ARMC9: variants seen among roughly 807,000 people sequenced by gnomAD.
The protein encoded by ARMC9 is lisH domain-containing protein ARMC9.
Under a neutral mutation model 107.0 loss-of-function variants are expected in ARMC9, and 94 were observed. The observed-to-expected ratio is 0.88, with a 90% CI of 0.74 to 1.04. The LOEUF (loss-of-function observed/expected upper bound fraction) is 1.04, where lower values mean the gene tolerates loss of function less well. Ranked by LOEUF, ARMC9 falls within the 50% of genes least tolerant of loss-of-function variation. The pLI, the probability that ARMC9 is intolerant of heterozygous loss-of-function variation, is 0.00. For missense variants in ARMC9, 942 were observed against 1,030.1 expected (o/e 0.91, Z 1.17); for synonymous variants, 380 against 396.9 (o/e 0.96, Z 0.51).
chr2:231,211,101 C>A (rs2032781963), intron 3 of ARMC9, among the ~76,000 whole-genome samples: 1 of 151,922 alleles, frequency 6.6e-6, no homozygotes, highest in Non-Finnish European at 1.5e-5. Flanking sequence ...CTTTTAAAGG[C>A]TGAATAATAA....
chr2:231,373,034 A>G lies in ARMC9; in HGVS notation c.*1499A>G, dbSNP rs1273959438. 3 of 152,186 alleles carry G rather than the reference A, an allele frequency of 2.0e-5. No homozygotes were observed. The highest frequency in any genetic ancestry group is 7.2e-5 in the African/African-American group (3 of 41,444). The allele number at this position is 152,186 out of a possible 1,614,324, so 9.4% of individuals were successfully genotyped here. A position where few individuals can be genotyped will look rare whatever the true frequency, so the allele number is the denominator to read the frequency against. ...TTGGCAGCGGCTCCAGGCTGGGCAC[A>G]TTAGATGCTGTCATGTGACTGGCCT... On this transcript the variant is annotated 3_prime_UTR_variant, in exon 25 of 25. Transcript: ENST00000611582. The surrounding 1 kb of genome is among the most constrained non-coding windows in gnomAD (Gnocchi z 4.4).
intron 14 of ARMC9, 121 bp downstream of exon 14, chr2:231,273,199 T>C: frequency 7.4e-7 from 1 of 1,346,018 alleles, no homozygotes; most frequent in Non-Finnish European, 1.0e-6. Flanking sequence ...TGGATGACTT[T>C]CTAAGACAGA....
chr2:231,262,308 C>T lies in ARMC9; in HGVS notation c.1029C>T (p.Arg343=), dbSNP rs1481102945. ...ACTTTTGTTTTTCTTTGCTCCAGCG[C>T]TTGACCACATCCCATCCTGGAGAGC... is the stretch of plus-strand genomic sequence containing the variant. ...KAFLLQALRW[R]LTTSHPGEQR... is the part of the protein sequence containing the mutation. The change falls in exon 12 of 25, where the codon CGC becomes CGT. Residue 343 remains arginine, a splice_region_variant and synonymous_variant. Coordinates refer to ENST00000611582, the MANE Select transcript of ARMC9 (RefSeq NM_001352754.2). 1 of 1,614,160 alleles carries T rather than the reference C, an allele frequency of 6.2e-7. No homozygotes were observed. Among genetic ancestry groups the T allele is most frequent in the Non-Finnish European group, 8.5e-7 (1 of 1,179,998 alleles).
At chr2:231,214,518 T>C (rs2125320449) in intron 3 of ARMC9, among the ~76,000 whole-genome samples, 1 of 152,304 alleles carries the variant, frequency 6.6e-6, no homozygotes, top group Non-Finnish European at 1.5e-5. Context: ...AAGGGTGACT[T>C]CAGTATATTT....
intron 19 of ARMC9, among the ~76,000 whole-genome samples, chr2:231,322,821 A>G (rs2125537825): frequency 6.6e-6 from 1 of 152,340 alleles, no homozygotes; most frequent in African/African-American, 2.4e-5. Flanking sequence ...AATTCCTCCA[A>G]CAATGGTATT....
chr2:231,235,936 C>T (rs1483483585), intron 8 of ARMC9, among the ~76,000 whole-genome samples: 2 of 152,200 alleles, frequency 1.3e-5, no homozygotes, highest in Non-Finnish European at 2.9e-5. Flanking sequence ...GCCACTGCGC[C>T]TGGCCCTTTT....
chr2:231,286,288 G>A (rs559053640), intron 17 of ARMC9, among the ~76,000 whole-genome samples: 104 of 152,262 alleles, frequency 6.8e-4, no homozygotes, highest in African/African-American at 2.4e-3. Flanking sequence ...GCTAATGTTT[G>A]TATTTTTAGT....
At chr2:231,330,164 T>C (rs2043623030) in intron 19 of ARMC9, among the ~76,000 whole-genome samples, 1 of 152,192 alleles carries the variant, frequency 6.6e-6, no homozygotes, top group Non-Finnish European at 1.5e-5. Context: ...CTTGAAATCA[T>C]GTAGATCGAT....
At chr2:231,226,652 C>G in intron 6 of ARMC9, 122 bp from the exon 7 acceptor site, 2 of 1,200,160 alleles carry the variant, frequency 1.7e-6, no homozygotes, top group Non-Finnish European at 2.5e-6. Flanking sequence ...AGCTGGCCCT[C>G]CCGGCTCCGA....
At chr2:231,233,671 G>A (rs2035453195) in intron 7 of ARMC9, among the ~76,000 whole-genome samples, 1 of 151,976 alleles carries the variant, frequency 6.6e-6, no homozygotes, top group African/African-American at 2.4e-5. Flanking sequence ...AGCTACTCGG[G>A]AAGCTGAGTC....
chr2:231,327,135 G>C (rs2043378626), intron 19 of ARMC9, among the ~76,000 whole-genome samples: 2 of 152,156 alleles, frequency 1.3e-5, no homozygotes, highest in Admixed American at 6.5e-5. Context: ...TCTAAGGTTG[G>C]CCGGAAGCTT....
intron 2 of ARMC9, 140 bp from the exon 3 acceptor site, chr2:231,207,987 T>G: frequency 1.9e-6 from 1 of 526,198 alleles, no homozygotes; most frequent in Non-Finnish European, 3.4e-6. Context: ...TGATTGTTAG[T>G]GATGTTAAGC....
chr2:231,313,030 GT>G (rs1212300172), intron 19 of ARMC9, among the ~76,000 whole-genome samples: 3 of 152,082 alleles, frequency 2.0e-5, no homozygotes, highest in Non-Finnish European at 4.4e-5. Context: ...TATCCTTAGT[GT>G]TTTTTTCTGT....
chr2:231,361,173 G>C (rs561699688), intron 23 of ARMC9, among the ~76,000 whole-genome samples: 3 of 152,232 alleles, frequency 2.0e-5, no homozygotes, highest in African/African-American at 7.2e-5. Context: ...CTTGTCCAGG[G>C]CTGGGTGATG....
chr2:231,335,919 T>G (rs933763141), intron 20 of ARMC9, among the ~76,000 whole-genome samples: 10 of 151,908 alleles, frequency 6.6e-5, no homozygotes, highest in Non-Finnish European at 1.5e-4. Context: ...TTCCTAAAAT[T>G]TTTTTAAAAA....
chr2:231,256,080 G>A (rs995412138), intron 9 of ARMC9: 6 of 1,541,404 alleles, frequency 3.9e-6, no homozygotes, highest in Admixed American at 2.1e-5. Flanking sequence ...CCGCCAGACC[G>A]CCGCCGCGCC....
chr2:231,361,976 C>T (rs941050872), intron 23 of ARMC9, among the ~76,000 whole-genome samples: 4 of 151,974 alleles, frequency 2.6e-5, no homozygotes, highest in Admixed American at 1.3e-4. Flanking sequence ...GGCTAGAAGC[C>T]GAAATCGGAA....
intron 7 of ARMC9, among the ~76,000 whole-genome samples, chr2:231,230,163 A>T (rs903301240): frequency 1.3e-5 from 2 of 152,016 alleles, no homozygotes; most frequent in African/African-American, 2.4e-5. Context: ...GGAGTTTGTG[A>T]CCAGCCTGGC....
intron 19 of ARMC9, among the ~76,000 whole-genome samples, chr2:231,329,595 CACCGCGCCCGG>C (rs1236287756): frequency 2.0e-5 from 3 of 152,250 alleles, no homozygotes; most frequent in African/African-American, 7.2e-5. Context: ...AGGTGTGAGC[CACCGCGCCCGG>C]CAGATTTCTT....
Sources: gnomAD v4.1 joint callset for allele counts (sites outside exome capture counted in the v4.1 genomes callset) on GRCh38, gnomAD v4.1.1 for gene constraint, Gnocchi (gnomAD v3.1) non-coding constraint, MANE v1.5 for transcripts, NCBI Gene and HGNC (gene_info 2026-07-23, HGNC 2026-07-21) for gene names.